Variants in PTPRQ observed in about 807,000 individuals in gnomAD.
The protein encoded by PTPRQ is protein tyrosine phosphatase receptor type Q, also known as phosphatidylinositol phosphatase PTPRQ.
PTPRQ carries 199 observed loss-of-function variants against 246.0 expected under a neutral mutation model. The ratio of observed to expected loss-of-function variants is 0.81; its 90% CI spans 0.72 to 0.91. The LOEUF (loss-of-function observed/expected upper bound fraction) is 0.91, where lower values mean the gene tolerates loss of function less well. Ranked by LOEUF, PTPRQ falls within the 40% of genes least tolerant of loss-of-function variation. PTPRQ has a pLI of 0.00. For missense variants in PTPRQ, 2,624 were observed against 2,528.4 expected, an observed-to-expected ratio of 1.04 and a Z score of -0.81; for synonymous variants, 869 against 853.2, an observed-to-expected ratio of 1.02 and a Z score of -0.32.
intron 35 of PTPRQ, among the ~76,000 whole-genome samples, chr12:80,638,501 A>C (rs1899740329): frequency 6.6e-6 from 1 of 152,178 alleles, no homozygotes; most frequent in South Asian, 2.1e-4. Flanking sequence ...TAAAACAAAA[A>C]ACAAACATGG....
At chr12:80,461,635 C>CT (rs2120486044) in intron 6 of PTPRQ, among the ~76,000 whole-genome samples, 1 of 150,308 alleles carries the variant, frequency 6.7e-6, no homozygotes, top group South Asian at 2.1e-4. Flanking sequence ...ATATAGCTGA[C>CT]AGATATATCA....
At chr12:80,624,016 G>A (rs1034506908) in intron 33 of PTPRQ, among the ~76,000 whole-genome samples, 4 of 152,144 alleles carry the variant, frequency 2.6e-5, no homozygotes, top group African/African-American at 9.7e-5. Flanking sequence ...AGTCAAGGTG[G>A]TGGAATACAA....
chr12:80,493,082 G>A (rs1203960506), intron 9 of PTPRQ, among the ~76,000 whole-genome samples, 193 bp from the exon 10 acceptor site: 1 of 151,900 alleles, frequency 6.6e-6, no homozygotes, highest in African/African-American at 2.4e-5. Flanking sequence ...TGATCACAAT[G>A]TGTTACAATG....
Position 80,534,907 on chromosome 12 carries a change from C to T in PTPRQ, c.2855C>T (p.Pro952Leu), listed in dbSNP as rs1417150663. 3.9e-6 allele frequency: 6 copies of T among 1,549,160 alleles called. No individual in the cohort carries two copies. In the African/African-American group the frequency reaches 6.8e-5, roughly 18 times the overall value. The part of the protein sequence containing the change: ...QTPEGAPSDP[P>L]KDVYYANLSS... ...TGTTTTATAGCACCAAGCGATCCTC[C>T]CAAAGATGTTTATTATGCAAACCTC... is the stretch of plus-strand genomic sequence containing the variant. The change falls in exon 19 of 45, where the codon CCC becomes CTC. Residue 952 changes from proline to leucine, a missense_variant. Coordinates refer to ENST00000644991, the MANE Select transcript of PTPRQ (RefSeq NM_001145026.2).
Position 80,670,343 on chromosome 12 carries a change from G to T in PTPRQ, c.6454-1G>T. ...ATTCATTAATCCGTCCCTTTGTCTAGCATGGGGATTGCATGACTGTTCGAC... is the reference window on the plus strand; with the variant it reads ...ATTCATTAATCCGTCCCTTTGTCTATCATGGGGATTGCATGACTGTTCGAC... On this transcript the variant is annotated splice_acceptor_variant, in intron 41 of 44. Transcript: ENST00000644991. LOFTEE classifies it high-confidence loss of function. 1 of 1,550,284 alleles carries T rather than the reference G, an allele frequency of 6.5e-7. No individual in the cohort carries two copies. Among genetic ancestry groups the T allele is most frequent in the Non-Finnish European group, 8.7e-7 (1 of 1,146,242 alleles).
intron 27 of PTPRQ, 40 bp downstream of exon 27, chr12:80,605,220 T>A: frequency 6.5e-7 from 1 of 1,527,144 alleles, no homozygotes; most frequent in Non-Finnish European, 8.8e-7. Flanking sequence ...CAGTATAAAA[T>A]GGTTAATAAT....
chr12:80,549,858 C>T (rs1896419757), intron 25 of PTPRQ, 124 bp downstream of exon 25: 5 of 1,326,002 alleles, frequency 3.8e-6, no homozygotes, highest in East Asian at 2.6e-5. Flanking sequence ...AAAAATACAA[C>T]ACAGGCTTTT....
At chr12:80,472,943 T>G (rs1202757761) in intron 8 of PTPRQ, among the ~76,000 whole-genome samples, 1 of 152,004 alleles carries the variant, frequency 6.6e-6, no homozygotes, top group Non-Finnish European at 1.5e-5. Flanking sequence ...TATAACACAT[T>G]AACACTTGGA....
At chr12:80,605,424 A>G (rs1898280838) in intron 27 of PTPRQ, among the ~76,000 whole-genome samples, 1 of 151,300 alleles carries the variant, frequency 6.6e-6, no homozygotes, top group African/African-American at 2.4e-5. Flanking sequence ...TGCTCAATAA[A>G]TATAAGATAT....
At chr12:80,523,081 T>C (rs988541586) in intron 17 of PTPRQ, among the ~76,000 whole-genome samples, 2 of 152,140 alleles carry the variant, frequency 1.3e-5, no homozygotes, top group African/African-American at 4.8e-5. Flanking sequence ...TTCTTCCTGG[T>C]TTAGTCTTGG....
At chr12:80,532,595 G>A (rs901298289) in intron 17 of PTPRQ, among the ~76,000 whole-genome samples, 1 of 152,120 alleles carries the variant, frequency 6.6e-6, no homozygotes, top group Non-Finnish European at 1.5e-5. Context: ...CCAATGATAA[G>A]AGTATGGAAT....
chr12:80,446,472 C>A (rs930036750), intron 3 of PTPRQ, among the ~76,000 whole-genome samples: 1 of 151,520 alleles, frequency 6.6e-6, no homozygotes, highest in Non-Finnish European at 1.5e-5. Flanking sequence ...GACATGTGTG[C>A]AGGTTTGTTA....
chr12:80,632,373 A>T, intron 34 of PTPRQ, 82 bp downstream of exon 34: 1 of 1,504,686 alleles, frequency 6.6e-7, no homozygotes, highest in Non-Finnish European at 8.9e-7. Flanking sequence ...CAGAAGCCAC[A>T]ACAGTTACTT....
intron 38 of PTPRQ, among the ~76,000 whole-genome samples, chr12:80,656,385 G>C (rs1307825640): frequency 6.6e-6 from 1 of 152,072 alleles, no homozygotes; most frequent in Admixed American, 6.6e-5. Context: ...GGTAACCAAG[G>C]AGCAGAGAAG....
intron 17 of PTPRQ, among the ~76,000 whole-genome samples, chr12:80,529,875 A>C (rs1005093274): frequency 1.3e-5 from 2 of 152,180 alleles, no homozygotes; most frequent in Non-Finnish European, 2.9e-5. Context: ...ATAGGTTTAG[A>C]GTTAAATAAG....
intron 26 of PTPRQ, among the ~76,000 whole-genome samples, chr12:80,590,666 CAAAAAAAAAAAA>C: frequency 1.7e-5 from 1 of 57,832 alleles, no homozygotes; most frequent in East Asian, 6.1e-4. Flanking sequence ...GACTCCGTCT[CAAAAAAAAAAAA>C]AAAAAAAAAA....
Position 80,445,477 on chromosome 12 carries a change from T to G in PTPRQ, c.164-14T>G, listed in dbSNP as rs1892523296. ...TTATTTGACCTTTTAACAAAATGGA[T>G]TTTTTAAAAATAGAACCAGGGCCTC... On this transcript the variant is annotated splice_polypyrimidine_tract_variant and intron_variant, in intron 2 of 44. Coordinates refer to ENST00000644991, the MANE Select transcript of PTPRQ (RefSeq NM_001145026.2). 6.8e-7 allele frequency: 1 copy of G among 1,470,642 alleles called. No individual in the cohort carries two copies. The allele number at this position is 1,470,642 out of a possible 1,614,324, so 91.1% of individuals were successfully genotyped here.
At chr12:80,496,853 CTG>C (rs939098457) in intron 14 of PTPRQ, among the ~76,000 whole-genome samples, 3 of 151,904 alleles carry the variant, frequency 2.0e-5, no homozygotes, top group African/African-American at 7.3e-5. Context: ...TTAGGTAAAA[CTG>C]AGACATACTC....
intron 14 of PTPRQ, among the ~76,000 whole-genome samples, chr12:80,504,755 T>C (rs1373774443): frequency 1.3e-5 from 2 of 151,918 alleles, no homozygotes; most frequent in East Asian, 3.9e-4. Context: ...AGGGTACATA[T>C]AGATATCATG....
Sources: gnomAD v4.1 joint callset for allele counts (sites outside exome capture counted in the v4.1 genomes callset) on GRCh38, gnomAD v4.1.1 for gene constraint, MANE v1.5 for transcripts, NCBI Gene and HGNC (gene_info 2026-07-23, HGNC 2026-07-21) for gene names.